Variants in TRAPPC10 observed in about 807,000 individuals in gnomAD.
TRAPPC10 encodes the protein trafficking protein particle complex subunit 10, also known as TRAPP 130 kDa subunit.
In TRAPPC10, 23 loss-of-function variants were observed where a neutral mutation model predicts 125.5. The observed-to-expected ratio is 0.18, with a 90% CI of 0.13 to 0.26. TRAPPC10 has a LOEUF of 0.26. Ranked by LOEUF, TRAPPC10 falls within the 10% of genes least tolerant of loss-of-function variation. The pLI is 1.00. For synonymous variants in TRAPPC10, 509 were observed against 518.0 expected (o/e 0.98, Z 0.24); for missense variants, 1,123 against 1,308.4 (o/e 0.86, Z 2.19).
intron 7 of TRAPPC10, among the ~76,000 whole-genome samples, chr21:44,070,647 T>C (rs761273336): frequency 6.6e-6 from 1 of 152,260 alleles, no homozygotes; most frequent in South Asian, 2.1e-4. Context: ...TGACATTTGT[T>C]TGGACGACTC....
chr21:44,083,287 A>G lies in TRAPPC10; in HGVS notation c.2223A>G (p.Ile741Met). 1 of 1,613,786 alleles carries G rather than the reference A, an allele frequency of 6.2e-7. No homozygotes were observed. Among genetic ancestry groups the G allele is most frequent in the Non-Finnish European group, 8.5e-7 (1 of 1,179,840 alleles). The change falls in exon 14 of 23, where the codon ATA (isoleucine) becomes ATG (methionine). Residue 741 changes from isoleucine to methionine, a missense_variant. By Grantham distance (10) the Ile-to-Met change is conservative (BLOSUM62 1). Around this residue, in one of 4 missense-constraint regions of TRAPPC10, gnomAD observed 840 missense variants for 902.0 expected, o/e 0.93. Transcript: ENST00000291574. ...CCCTGGAACCAGGGGCCAACCAGAT[A>G]ACATTCAGGACTCAGGTATGCGTTC... ...HVTLEPGANQITFRTQAKEPG... is the reference protein window; with the variant it reads ...HVTLEPGANQMTFRTQAKEPG...
At chr21:44,027,882 G>T (rs886419398) in intron 1 of TRAPPC10, among the ~76,000 whole-genome samples, 1 of 152,086 alleles carries the variant, frequency 6.6e-6, no homozygotes, top group Non-Finnish European at 1.5e-5. Context: ...CTTCCCCCAC[G>T]TGAGGGCACA....
chr21:44,071,335 G>A (rs1259264243), intron 7 of TRAPPC10, among the ~76,000 whole-genome samples: 2 of 152,202 alleles, frequency 1.3e-5, no homozygotes, highest in Non-Finnish European at 2.9e-5. Flanking sequence ...TTTAGGGTTT[G>A]TGCCCTTCAC....
chr21:44,028,691 A>G (rs1440895911), intron 1 of TRAPPC10, among the ~76,000 whole-genome samples: 3 of 152,226 alleles, frequency 2.0e-5, no homozygotes, highest in Non-Finnish European at 4.4e-5. Context: ...TCACCAAAAA[A>G]AGGAGACCTT....
chr21:44,058,819 G>A (rs933032205), intron 5 of TRAPPC10, among the ~76,000 whole-genome samples: 4 of 152,248 alleles, frequency 2.6e-5, no homozygotes, highest in African/African-American at 7.2e-5. Flanking sequence ...AGGTGGCCAG[G>A]TCCTGGACAG....
chr21:44,024,239 T>C (rs2032845644), intron 1 of TRAPPC10, among the ~76,000 whole-genome samples: 1 of 152,248 alleles, frequency 6.6e-6, no homozygotes, highest in Non-Finnish European at 1.5e-5. Context: ...TCATGGGTAC[T>C]TGAGGAGGCT....
At chr21:44,095,523 C>T (rs1195682283) in intron 20 of TRAPPC10, among the ~76,000 whole-genome samples, 1 of 151,714 alleles carries the variant, frequency 6.6e-6, no homozygotes, top group Non-Finnish European at 1.5e-5. Context: ...CAGGTGTGAG[C>T]CACTGTGCCC....
chr21:44,061,815 A>C (rs982446453), intron 6 of TRAPPC10, among the ~76,000 whole-genome samples: 2 of 152,226 alleles, frequency 1.3e-5, no homozygotes, highest in African/African-American at 4.8e-5. Flanking sequence ...CACAGTTTCT[A>C]ATTACCATGA....
At position 44,083,168 on chromosome 21, in the gene TRAPPC10, C is replaced by A; in HGVS notation, c.2104C>A (p.Leu702Ile). Residue 702 changes from leucine (L) to isoleucine (I), a missense_variant, in exon 14 of 23, where the codon CTC (leucine) becomes ATC (isoleucine). Leu to Ile is a conservative substitution (Grantham distance 5). Around this residue, in one of 4 missense-constraint regions of TRAPPC10, gnomAD observed 840 missense variants for 902.0 expected, o/e 0.93. Transcript: ENST00000291574. ...GATTATCTGCAGAAACGTCCACATG[C>A]TCCTGAGAAGGCAGGAGAGCAGCTC... is the stretch of plus-strand genomic sequence containing the variant. ...TGIICRNVHM[L>I]LRRQESSSSL... 2 of 1,614,264 alleles carry A rather than the reference C, an allele frequency of 1.2e-6. No individual in the cohort carries two copies. Among genetic ancestry groups the A allele is most frequent in the Non-Finnish European group, 1.7e-6 (2 of 1,180,050 alleles).
chr21:44,095,669 A>G (rs114581314), intron 20 of TRAPPC10, among the ~76,000 whole-genome samples: 11,925 of 151,714 alleles, frequency 0.079, 587 homozygotes, highest in Non-Finnish European at 0.11. Flanking sequence ...GGTTTAAGCA[A>G]TTATCTGCCT....
chr21:44,021,973 C>CAG lies in TRAPPC10; in HGVS notation c.67+9419_67+9420dup, dbSNP rs2092633711. 2.6e-5 allele frequency among the ~76,000 whole-genome samples: 4 copies of CAG among 151,684 alleles called. No homozygotes were observed. The South Asian group carries it at 6.2e-4, about 24-fold the overall frequency. On this transcript the variant is annotated intron_variant, in intron 1 of 22. Transcript: ENST00000291574. Reference sequence around the variant, plus strand: ...TTTTTTTTCTTTCTTAGGGTCTTTTCAGAGAGAAAACAAAAAACTGTTTTC... The same window carrying CAG: ...TTTTTTTTCTTTCTTAGGGTCTTTTCAGAGAGAGAAAACAAAAAACTGTTTTC...
chr21:44,016,210 C>CT (rs2147114279), intron 1 of TRAPPC10, among the ~76,000 whole-genome samples: 1 of 152,258 alleles, frequency 6.6e-6, no homozygotes, highest in African/African-American at 2.4e-5. Flanking sequence ...TCCATTTGGT[C>CT]TAAATTTAAA....
At chr21:44,093,651 G>A (rs2038734992) in intron 19 of TRAPPC10, among the ~76,000 whole-genome samples, 2 of 151,998 alleles carry the variant, frequency 1.3e-5, no homozygotes, top group East Asian at 1.9e-4. Flanking sequence ...CCAGCTACTC[G>A]GGAGGCTGAT....
chr21:44,045,229 A>AGCCTTTGTTGCTGTCTCT (rs2034702466), intron 3 of TRAPPC10, among the ~76,000 whole-genome samples: 1 of 151,862 alleles, frequency 6.6e-6, no homozygotes, highest in Non-Finnish European at 1.5e-5. Flanking sequence ...CACCGTGCCC[A>AGCCTTTGTTGCTGTCTCT]GCCTTTGTTG....
chr21:44,016,749 C>T (rs1216666441), intron 1 of TRAPPC10, among the ~76,000 whole-genome samples: 2 of 152,176 alleles, frequency 1.3e-5, no homozygotes, highest in Non-Finnish European at 2.9e-5. Flanking sequence ...AGCTCCGCCT[C>T]CCGGGTTCAC....
intron 3 of TRAPPC10, among the ~76,000 whole-genome samples, chr21:44,044,313 A>G (rs1448680254): frequency 7.7e-6 from 1 of 129,124 alleles, no homozygotes; most frequent in Admixed American, 7.3e-5. Context: ...ACATTCTAAT[A>G]GCCTTTTTTT....
intron 15 of TRAPPC10, 109 bp downstream of exon 15, chr21:44,084,372 G>C (rs1039214959): frequency 8.0e-6 from 9 of 1,129,050 alleles, no homozygotes; most frequent in Non-Finnish European, 2.4e-6. Flanking sequence ...GCCTTTAAGA[G>C]ATATTTTGGG....
chr21:44,074,945 A>C, intron 8 of TRAPPC10, 94 bp from the exon 9 acceptor site: 5 of 953,080 alleles, frequency 5.2e-6, no homozygotes, highest in Non-Finnish European at 7.9e-6. Flanking sequence ...TTTCTTCTAG[A>C]ATTTAGCTGG....
chr21:44,058,769 C>T lies in TRAPPC10; in HGVS notation c.679-334C>T, dbSNP rs540221223. Among the ~76,000 whole-genome samples, 83 of 152,292 alleles carry T rather than the reference C, an allele frequency of 5.5e-4. 1 individual carries two copies. In the Middle Eastern group the frequency reaches 0.02, roughly 37 times the overall value. On this transcript the variant is annotated intron_variant, in intron 5 of 22. Transcript: ENST00000291574. ...GCCTCGGGGAGCGAGAGGAACCAGC[C>T]GTCTGACCAGAGGGAGCCACAGTGA...
Sources: gnomAD v4.1 joint callset for allele counts (sites outside exome capture counted in the v4.1 genomes callset) on GRCh38, gnomAD v4.1.1 for gene constraint, gnomAD v4.1.1 regional missense constraint, MANE v1.5 for transcripts, NCBI Gene and HGNC (gene_info 2026-07-23, HGNC 2026-07-21) for gene names.